Variants in ERBB4 observed in about 807,000 individuals in gnomAD.
ERBB4 encodes receptor tyrosine-protein kinase erbB-4.
A neutral mutation model predicts 158.0 loss-of-function variants in ERBB4; 42 were observed. That is an observed-to-expected ratio of 0.27 (90% CI 0.21 to 0.34). The LOEUF (loss-of-function observed/expected upper bound fraction) is 0.34, where lower values mean the gene tolerates loss of function less well. Ranked by LOEUF, ERBB4 falls within the 10% of genes least tolerant of loss-of-function variation. The probability of loss-of-function intolerance (pLI) is 1.00; values close to 1 mark genes in which losing one functional copy is unlikely to be tolerated. For synonymous variants in ERBB4, 583 were observed against 558.7 expected (o/e 1.04, Z -0.61); for missense variants, 1,333 against 1,624.1 (o/e 0.82, Z 3.08).
At chr2:211,441,872 T>C (rs2063986055) in intron 20 of ERBB4, among the ~76,000 whole-genome samples, 1 of 152,158 alleles carries the variant, frequency 6.6e-6, no homozygotes, top group Non-Finnish European at 1.5e-5. Flanking sequence ...AAATCTTCAG[T>C]AAATTTAGAT....
intron 1 of ERBB4, among the ~76,000 whole-genome samples, chr2:212,314,030 T>C (rs1024560991): frequency 1.3e-5 from 2 of 151,084 alleles, no homozygotes; most frequent in Non-Finnish European, 3.0e-5. Flanking sequence ...TATAGTTAAA[T>C]CAGTTATAAG....
chr2:211,982,616 T>C (rs1264003997), intron 2 of ERBB4, among the ~76,000 whole-genome samples: 3 of 152,124 alleles, frequency 2.0e-5, no homozygotes, highest in East Asian at 3.9e-4. Context: ...AAAGGAATAC[T>C]GGGAGTCCTT....
chr2:211,539,026 C>T (rs2066729672), intron 20 of ERBB4, among the ~76,000 whole-genome samples: 1 of 151,886 alleles, frequency 6.6e-6, no homozygotes, highest in African/African-American at 2.4e-5. Context: ...GTACTAACTC[C>T]AGATACATGA....
chr2:212,231,390 G>A (rs1331321102), intron 1 of ERBB4, among the ~76,000 whole-genome samples: 4 of 152,164 alleles, frequency 2.6e-5, no homozygotes, highest in African/African-American at 4.8e-5. Context: ...AGGAGACCTG[G>A]AACTTTAAAA....
intron 1 of ERBB4, among the ~76,000 whole-genome samples, chr2:212,464,461 T>C (rs1443953903): frequency 6.6e-6 from 1 of 152,128 alleles, no homozygotes; most frequent in Non-Finnish European, 1.5e-5. Context: ...ACAGATTTTT[T>C]TCATAGCAAT....
intron 20 of ERBB4, among the ~76,000 whole-genome samples, chr2:211,545,797 G>A (rs1021710337): frequency 2.0e-5 from 3 of 152,040 alleles, no homozygotes; most frequent in African/African-American, 7.2e-5. Context: ...AATTAGCCTT[G>A]TCAAGGCAGG....
rs1398681951 is a variant in ERBB4 at position 211,420,461 on chromosome 2, C to A, written c.3115G>T (p.Ala1039Ser). ...NIPPPIYTSR[A>S]RIDSNRSEIG... Reference sequence around the variant, plus strand: ...CTTACCCTATTCGAGTCAATTCTTGCTCTGGAAGTATAGATGGGAGGTGGG... The same window carrying A: ...CTTACCCTATTCGAGTCAATTCTTGATCTGGAAGTATAGATGGGAGGTGGG... The change falls in exon 25 of 28, where the codon GCA (alanine) becomes TCA (serine). Residue 1039 changes from alanine to serine, a missense_variant. This residue lies in a region of ERBB4 where 252 missense variants were observed against 241.3 expected (regional missense o/e 1.04). Transcript: ENST00000342788. The A allele has an allele frequency of 1.2e-6, 2 of 1,611,662 alleles. No individual in the cohort carries two copies. The highest frequency in any genetic ancestry group is 2.7e-5 in the African/African-American group (2 of 74,798).
chr2:211,552,416 T>A lies in ERBB4; in HGVS notation c.2487+9487A>T, dbSNP rs76924543. Among the ~76,000 whole-genome samples, 992 of 152,306 alleles carry A rather than the reference T, an allele frequency of 6.5e-3. 7 individuals carry two copies. Among genetic ancestry groups the A allele is most frequent in the African/African-American group, 0.022 (934 of 41,562 alleles). The stretch of plus-strand genomic sequence containing the variant: ...TCTTAAAAATATTGAATAAATTTTT[T>A]AAAATTTTTTTTGGAAGAAGTTTAA... On this transcript the variant is annotated intron_variant, in intron 20 of 27. Transcript: ENST00000342788.
chr2:211,679,068 A>G lies in ERBB4; in HGVS notation c.1606T>C (p.Cys536Arg), dbSNP rs2105958961. 2 of 1,613,440 alleles carry G rather than the reference A, an allele frequency of 1.2e-6. No homozygotes were observed. Among genetic ancestry groups the G allele is most frequent in the Non-Finnish European group, 1.7e-6 (2 of 1,179,666 alleles). ...FSRGRICIES[C>R]NLYDGEFREF... is the part of the protein sequence containing the mutation. ...AAGCCTTACCCATCATAGAGGTTAC[A>G]AGACTCTATGCAGATCCTTCCTCTA... Residue 536 changes from cysteine (C) to arginine (R), a missense_variant, in exon 13 of 28, where the codon TGT (cysteine) becomes CGT (arginine). Physicochemically the swap from Cys to Arg is radical, Grantham distance 180. Coordinates refer to ENST00000342788, the MANE Select transcript of ERBB4 (RefSeq NM_005235.3).
intron 20 of ERBB4, among the ~76,000 whole-genome samples, chr2:211,470,527 T>A (rs1204842927): frequency 1.3e-5 from 2 of 152,194 alleles, no homozygotes; most frequent in African/African-American, 4.8e-5. Flanking sequence ...GCATTTTTTT[T>A]ACTTTCATCT....
At chr2:211,637,306 C>T (rs2070397488) in intron 16 of ERBB4, among the ~76,000 whole-genome samples, 1 of 151,876 alleles carries the variant, frequency 6.6e-6, no homozygotes, top group Non-Finnish European at 1.5e-5. Context: ...AATTCATTCA[C>T]AATTACCAAC....
intron 19 of ERBB4, among the ~76,000 whole-genome samples, chr2:211,582,118 C>A (rs535171897): frequency 6.6e-6 from 1 of 152,268 alleles, no homozygotes. Context: ...GACCATTCTG[C>A]TAAACAATTC....
At chr2:211,673,301 G>A (rs746597648) in intron 13 of ERBB4, 44 bp from the exon 14 acceptor site, 7 of 1,396,196 alleles carry the variant, frequency 5.0e-6, no homozygotes, top group Admixed American at 1.7e-5. Flanking sequence ...GCAAACAAGC[G>A]TCAACTTAAC....
At chr2:211,500,882 T>A (rs1362570475) in intron 20 of ERBB4, among the ~76,000 whole-genome samples, 3 of 152,016 alleles carry the variant, frequency 2.0e-5, no homozygotes, top group African/African-American at 4.8e-5. Flanking sequence ...AGGTTTGGCA[T>A]TAGTGAAATT....
chr2:211,496,474 GA>G (rs1157249668), intron 20 of ERBB4, among the ~76,000 whole-genome samples: 12 of 151,450 alleles, frequency 7.9e-5, no homozygotes, highest in Middle Eastern at 3.4e-3. Flanking sequence ...CATAACCATT[GA>G]TCGGTACCAT....
intron 1 of ERBB4, among the ~76,000 whole-genome samples, chr2:212,179,103 A>G (rs1054463903): frequency 6.6e-6 from 1 of 151,700 alleles, no homozygotes; most frequent in African/African-American, 2.4e-5. Context: ...ATTTGGTAAG[A>G]CATAGAATCA....
At chr2:211,416,919 C>T (rs1160876948) in intron 25 of ERBB4, among the ~76,000 whole-genome samples, 1 of 151,566 alleles carries the variant, frequency 6.6e-6, no homozygotes, top group Non-Finnish European at 1.5e-5. Flanking sequence ...CTATAGCAGT[C>T]TCTGAATAAA....
Position 211,750,700 on chromosome 2 carries a change from T to A in ERBB4, c.561A>T (p.Gly187=), listed in dbSNP as rs141452944. 1 of 1,613,804 alleles carries A rather than the reference T, an allele frequency of 6.2e-7. No homozygotes were observed. The highest frequency in any genetic ancestry group is 1.3e-5 in the African/African-American group (1 of 75,012). Residue 187 remains glycine, a synonymous_variant, in exon 5 of 28, where the codon GGA becomes GGT. Coordinates refer to ENST00000342788, the MANE Select transcript of ERBB4 (RefSeq NM_005235.3). ...LVSTNGSSGC[G]RCHKSCTGRC... ...GGCCAGTACAGGACTTATGGCAACG[T>A]CCACCTGCAGAACACGAAAAGGGAA...
intron 19 of ERBB4, among the ~76,000 whole-genome samples, chr2:211,597,864 G>GT (rs1480269713): frequency 5.3e-5 from 8 of 152,136 alleles, no homozygotes; most frequent in Admixed American, 2.6e-4. Context: ...CTTTTTAAGA[G>GT]TAACTAAAAT....
Sources: gnomAD v4.1 joint callset for allele counts (sites outside exome capture counted in the v4.1 genomes callset) on GRCh38, gnomAD v4.1.1 for gene constraint, gnomAD v4.1.1 regional missense constraint, MANE v1.5 for transcripts, NCBI Gene and HGNC (gene_info 2026-07-23, HGNC 2026-07-21) for gene names.